Variants in ANKRD52 observed in about 807,000 individuals in gnomAD.
ANKRD52 encodes serine/threonine-protein phosphatase 6 regulatory ankyrin repeat subunit C.
Under a neutral mutation model 116.0 loss-of-function variants are expected in ANKRD52, and 7 were observed. The ratio of observed to expected loss-of-function variants is 0.06; its 90% CI spans 0.03 to 0.11. The LOEUF (loss-of-function observed/expected upper bound fraction) is 0.11, where lower values mean the gene tolerates loss of function less well. Ranked by LOEUF, ANKRD52 falls within the 10% of genes least tolerant of loss-of-function variation. ANKRD52 has a pLI of 1.00. For missense variants in ANKRD52, 839 were observed against 1,408.6 expected, an observed-to-expected ratio of 0.60 and a Z score of 6.47; for synonymous variants, 528 against 578.1, an observed-to-expected ratio of 0.91 and a Z score of 1.24.
Position 56,237,908 on chromosome 12 carries a change from G to A in ANKRD52, c.*5234C>T, listed in dbSNP as rs1870988108. On this transcript the variant is annotated 3_prime_UTR_variant, in exon 28 of 28. Coordinates refer to ENST00000267116, the MANE Select transcript of ANKRD52 (RefSeq NM_173595.4). ...CATAGAAAACCAGAGTGTGGTGGGA[G>A]GACCCGAAGCCGGTTGGGGGAGGAT... 1 of 799,236 alleles carries A rather than the reference G, an allele frequency of 1.3e-6. No homozygotes were observed. Among genetic ancestry groups the A allele is most frequent in the Non-Finnish European group, 1.8e-6 (1 of 543,972 alleles). The allele number at this position is 799,236 out of a possible 1,614,324, so 49.5% of individuals were successfully genotyped here. A position where few individuals can be genotyped will look rare whatever the true frequency, so the allele number is the denominator to read the frequency against.
intron 15 of ANKRD52, among the ~76,000 whole-genome samples, chr12:56,250,489 G>C (rs1380420156): frequency 2.0e-5 from 3 of 151,184 alleles, no homozygotes; most frequent in African/African-American, 7.3e-5. Flanking sequence ...TGATCCTCTT[G>C]CCTTACCTGC....
chr12:56,245,554 G>A lies in ANKRD52; in HGVS notation c.2227C>T (p.His743Tyr). 1 of 1,608,818 alleles carries A rather than the reference G, an allele frequency of 6.2e-7. No homozygotes were observed. The highest frequency in any genetic ancestry group is 8.5e-7 in the Non-Finnish European group (1 of 1,178,234). Residue 743 changes from histidine (H) to tyrosine (Y), a missense_variant, in exon 21 of 28, where the codon CAC becomes TAC. This residue lies in a region of ANKRD52 where 552 missense variants were observed against 810.6 expected (regional missense o/e 0.68). Transcript: ENST00000267116. ...TCTCGGCACAGCACAAATGCGTCGT[G>A]GTCCAGCAGGGCAGCCAGGCAGTCC... ...CEDCLAALLD[H>Y]DAFVLCRDFK... is the part of the protein sequence containing the mutation.
intron 20 of ANKRD52, among the ~76,000 whole-genome samples, chr12:56,246,693 G>A (rs113528110): frequency 2.5e-3 from 381 of 152,134 alleles, no homozygotes; most frequent in Non-Finnish European, 3.2e-3. Context: ...AGGCCAAGGC[G>A]GGTGGATCTC....
Position 56,245,614 on chromosome 12 carries a change from G to A in ANKRD52, c.2185-18C>T, listed in dbSNP as rs959234892. The A allele has an allele frequency of 6.3e-7, 1 of 1,599,316 alleles. No individual in the cohort carries two copies. The highest frequency in any genetic ancestry group is 1.8e-5 in the Admixed American group (1 of 56,336). ...GTCACTGCCTGTGAGTAACATGGGG[G>A]TGTGAGGGGGATGAAAAGCTCCTCC... On this transcript the variant is annotated intron_variant, in intron 20 of 27. Coordinates refer to ENST00000267116, the MANE Select transcript of ANKRD52 (RefSeq NM_173595.4).
At position 56,243,083 on chromosome 12, in the gene ANKRD52, T is replaced by C; in HGVS notation, c.*59A>G. The C allele has an allele frequency of 4.0e-6, 6 of 1,493,696 alleles. No homozygotes were observed. The South Asian group carries it at 6.7e-5, about 17-fold the overall frequency. The allele number at this position is 1,493,696 out of a possible 1,614,324, so 92.5% of individuals were successfully genotyped here. A position where few individuals can be genotyped will look rare whatever the true frequency, so the allele number is the denominator to read the frequency against. ...TAAAGTGCCCTAAATGTTTAGACTTTTTCTAAATAAATAGAATTAGATATC... is the reference window on the plus strand; with the variant it reads ...TAAAGTGCCCTAAATGTTTAGACTTCTTCTAAATAAATAGAATTAGATATC... On this transcript the variant is annotated 3_prime_UTR_variant, in exon 28 of 28. Coordinates refer to ENST00000267116, the MANE Select transcript of ANKRD52 (RefSeq NM_173595.4). This position sits in a 1 kb window ranked among gnomAD's most constrained non-coding sequence, Gnocchi z 4.6.
Position 56,248,030 on chromosome 12 carries a change from G to A in ANKRD52, c.1971C>T (p.His657=), listed in dbSNP as rs763166873. 16 of 1,601,376 alleles carry A rather than the reference G, an allele frequency of 1.0e-5. No individual in the cohort carries two copies. The highest frequency in any genetic ancestry group is 6.6e-5 in the South Asian group (6 of 90,600). ...CCTAAAGTGGGCACTAACCAGCAGC[G>A]TGCAGGGGTGTCCACTTGCGCTTGC... The part of the protein sequence containing the change: ...KERKRKWTPL[H]AAAASGHTDS... The change falls in exon 18 of 28, where the codon CAC becomes CAT. Residue 657 remains histidine (H), a synonymous_variant. Transcript: ENST00000267116. This position sits in a 1 kb window ranked among gnomAD's most constrained non-coding sequence, Gnocchi z 5.1.
In ANKRD52 at chr12:56,252,321, G is replaced by A. The variant is rs201173138; in HGVS notation, c.1371-6C>T. The A allele has an allele frequency of 4.7e-5, 76 of 1,613,422 alleles. No homozygotes were observed. The African/African-American group carries it at 9.3e-4, about 20-fold the overall frequency. On this transcript the variant is annotated splice_polypyrimidine_tract_variant and splice_region_variant and intron_variant, in intron 13 of 27. Transcript: ENST00000267116. This position sits in a 1 kb window ranked among gnomAD's most constrained non-coding sequence, Gnocchi z 4.7. ...CTGCATAGTGCAGTGGGGTCCTGGG[G>A]AAGAAGTGAAGGAGGGTGGGGAAGA... is the stretch of plus-strand genomic sequence containing the variant.
rs202238056 is a variant in ANKRD52 at position 56,254,237 on chromosome 12, C to T, written c.736G>A (p.Ala246Thr). ...NAFGNTALHI[A>T]CYLGQDAVAI... ...ACAGCATCCTGGCCCAGGTAGCAGG[C>T]GATGTGCAAAGCTGTGTTTCCAAAA... is the stretch of plus-strand genomic sequence containing the variant. Residue 246 changes from alanine to threonine, a missense_variant, in exon 8 of 28, where the codon GCC becomes ACC. Around this residue, in one of 2 missense-constraint regions of ANKRD52, gnomAD observed 287 missense variants for 598.1 expected, o/e 0.48. Transcript: ENST00000267116. This position sits in a 1 kb window ranked among gnomAD's most constrained non-coding sequence, Gnocchi z 4.6. 540 of 1,613,844 alleles carry T rather than the reference C, an allele frequency of 3.3e-4. 3 individuals are homozygous for T. The highest frequency in any genetic ancestry group is 1.2e-3 in the South Asian group (106 of 91,072).
Position 56,242,815 on chromosome 12 carries a change from T to A in ANKRD52, c.*327A>T. The A allele has an allele frequency of 3.3e-6, 1 of 304,854 alleles. No homozygotes were observed. The highest frequency in any genetic ancestry group is 6.1e-6 in the Non-Finnish European group (1 of 163,426). 18.9% of individuals were successfully genotyped at this position (304,854 alleles called of 1,614,324 possible). On this transcript the variant is annotated 3_prime_UTR_variant, in exon 28 of 28. Transcript: ENST00000267116. This position sits in a 1 kb window ranked among gnomAD's most constrained non-coding sequence, Gnocchi z 4.3. ...ACAGAGAGGAGTCCCCAGGGAAGAG[T>A]CGGGGGAGCTGGCAGCAGAAAGAGG...
At chr12:56,249,914 C>T (rs1001349637) in intron 15 of ANKRD52, among the ~76,000 whole-genome samples, 3 of 152,168 alleles carry the variant, frequency 2.0e-5, no homozygotes, top group Non-Finnish European at 4.4e-5. Flanking sequence ...GCAGCGTGCT[C>T]CTGTAGTCCC....
intron 20 of ANKRD52, among the ~76,000 whole-genome samples, chr12:56,246,967 T>TA (rs2058360889): frequency 7.5e-6 from 1 of 133,616 alleles, no homozygotes; most frequent in Non-Finnish European, 1.6e-5. Context: ...ATAATAATAA[T>TA]AATAATAAAC....
In ANKRD52 at chr12:56,252,139, G is replaced by A. The variant is rs753831833; in HGVS notation, c.1511+36C>T. 2.5e-6 allele frequency: 4 copies of A among 1,613,950 alleles called. No individual in the cohort carries two copies. The Admixed American group carries it at 5.0e-5, about 20-fold the overall frequency. On this transcript the variant is annotated intron_variant, in intron 14 of 27. Transcript: ENST00000267116. This position sits in a 1 kb window ranked among gnomAD's most constrained non-coding sequence, Gnocchi z 4.7. Reference sequence around the variant, plus strand: ...AAGTTAGGGCCAGGCTCAGGGAGGTGAATGGGGCTGAGAAGGACCAGACTG... The same window carrying A: ...AAGTTAGGGCCAGGCTCAGGGAGGTAAATGGGGCTGAGAAGGACCAGACTG...
Position 56,245,557 on chromosome 12 carries a change from C to T in ANKRD52, c.2224G>A (p.Asp742Asn). The change falls in exon 21 of 28, where the codon GAC becomes AAC. Residue 742 changes from aspartate to asparagine, a missense_variant. Asp to Asn is a conservative substitution (Grantham distance 23). Around this residue, in one of 2 missense-constraint regions of ANKRD52, gnomAD observed 552 missense variants for 810.6 expected, o/e 0.68. Transcript: ENST00000267116. The stretch of plus-strand genomic sequence containing the variant: ...CGGCACAGCACAAATGCGTCGTGGT[C>T]CAGCAGGGCAGCCAGGCAGTCCTCA... Reference protein sequence around the residue: ...GCEDCLAALLDHDAFVLCRDF... With the variant: ...GCEDCLAALLNHDAFVLCRDF... 3.1e-6 allele frequency: 5 copies of T among 1,608,770 alleles called. No homozygotes were observed. Among genetic ancestry groups the T allele is most frequent in the Non-Finnish European group, 4.2e-6 (5 of 1,178,284 alleles).
intron 15 of ANKRD52, among the ~76,000 whole-genome samples, chr12:56,250,973 C>T (rs1297088120): frequency 5.9e-5 from 9 of 152,002 alleles, no homozygotes; most frequent in Non-Finnish European, 1.3e-4. Context: ...CAGAGTCTCA[C>T]TCTGTCGCCC....
rs754654770 is a variant in ANKRD52, at chr12:56,248,471, A to G, written c.1776+24T>C. On this transcript the variant is annotated intron_variant, in intron 17 of 27. Coordinates refer to ENST00000267116, the MANE Select transcript of ANKRD52 (RefSeq NM_173595.4). This position sits in a 1 kb window ranked among gnomAD's most constrained non-coding sequence, Gnocchi z 5.1. ...GGGAACAGGTAGGACAAGGAAGGCA[A>G]CAGAAAAAAGACGTGGGACTCACAG... is the stretch of plus-strand genomic sequence containing the variant. 4.1e-5 allele frequency: 64 copies of G among 1,580,132 alleles called. No homozygotes were observed. The highest frequency in any genetic ancestry group is 1.5e-4 in the Admixed American group (8 of 54,164).
chr12:56,254,389 G>GT lies in ANKRD52; in HGVS notation c.694-111dup, dbSNP rs1190028646. The GT allele has an allele frequency of 1.4e-6, 2 of 1,453,442 alleles. No homozygotes were observed. The allele number at this position is 1,453,442 out of a possible 1,614,324, so 90.0% of individuals were successfully genotyped here. A position where few individuals can be genotyped will look rare whatever the true frequency, so the allele number is the denominator to read the frequency against. ...CAACGACTGCCTCATTTCCTCTCGG[G>GT]TTTATGACCCAAGGTACTAAGGTAC... On this transcript the variant is annotated intron_variant, in intron 7 of 27. Transcript: ENST00000267116. The surrounding 1 kb of genome is among the most constrained non-coding windows in gnomAD (Gnocchi z 4.6).
Position 56,253,490 on chromosome 12 carries a change from T to C in ANKRD52, c.986-88A>G. On this transcript the variant is annotated intron_variant, in intron 9 of 27. Transcript: ENST00000267116. The surrounding 1 kb of genome is among the most constrained non-coding windows in gnomAD (Gnocchi z 5.5). ...CTAGCCATGATTTGAGTGCCTACTATGTATGCATCAGGTGCCAGGCCCAGG... is the reference window on the plus strand; with the variant it reads ...CTAGCCATGATTTGAGTGCCTACTACGTATGCATCAGGTGCCAGGCCCAGG... The C allele has an allele frequency of 9.4e-7, 1 of 1,068,514 alleles. No individual in the cohort carries two copies. The highest frequency in any genetic ancestry group is 1.4e-5 in the South Asian group (1 of 73,344). 66.2% of individuals were successfully genotyped at this position (1,068,514 alleles called of 1,614,324 possible). A position where few individuals can be genotyped will look rare whatever the true frequency, so the allele number is the denominator to read the frequency against.
chr12:56,253,767 C>T lies in ANKRD52; in HGVS notation c.940G>A (p.Ala314Thr), dbSNP rs1731052278. The T allele has an allele frequency of 6.2e-7, 1 of 1,613,828 alleles. No homozygotes were observed. Among genetic ancestry groups the T allele is most frequent in the South Asian group, 1.1e-5 (1 of 91,084 alleles). ...GAGCGTGTGAAACGGCCATGGATTG[C>T]AGCCATGTGCAGAGGACTTTTCCCT... ...KEGKSPLHMA[A>T]IHGRFTRSQI... The change falls in exon 9 of 28, where the codon GCA becomes ACA. Residue 314 changes from alanine (A) to threonine (T), a missense_variant. Around this residue, in one of 2 missense-constraint regions of ANKRD52, gnomAD observed 287 missense variants for 598.1 expected, o/e 0.48. Coordinates refer to ENST00000267116, the MANE Select transcript of ANKRD52 (RefSeq NM_173595.4). The surrounding 1 kb of genome is among the most constrained non-coding windows in gnomAD (Gnocchi z 5.5).
At position 56,255,225 on chromosome 12, in the gene ANKRD52, C is replaced by T. The variant is rs1871893841; in HGVS notation, c.463-273G>A. ...TTTTTTTTTTTGAGACAGTCTCGCT[C>T]TGTTACCCAGGCTGGAGTTCAGTGG... On this transcript the variant is annotated intron_variant, in intron 5 of 27. Coordinates refer to ENST00000267116, the MANE Select transcript of ANKRD52 (RefSeq NM_173595.4). The surrounding 1 kb of genome is among the most constrained non-coding windows in gnomAD (Gnocchi z 4.3). 2 of 334,506 alleles carry T rather than the reference C, an allele frequency of 6.0e-6. No individual in the cohort carries two copies. The highest frequency in any genetic ancestry group is 6.3e-5 in the South Asian group (1 of 15,964). 20.7% of individuals were successfully genotyped at this position (334,506 alleles called of 1,614,324 possible).
Sources: allele counts gnomAD v4.1 joint callset (sites outside exome capture counted in the v4.1 genomes callset), GRCh38; gene constraint gnomAD v4.1.1; regional missense constraint gnomAD v4.1.1; non-coding constraint Gnocchi (gnomAD v3.1); transcripts MANE v1.5; gene names NCBI Gene and HGNC (gene_info 2026-07-23, HGNC 2026-07-21).